The following RALGPS1 variants were observed in gnomAD, a reference collection of about 807,000 sequenced individuals.
RALGPS1 encodes Ral GEF with PH domain and SH3 binding motif 1.
RALGPS1 carries 19 observed loss-of-function variants against 78.8 expected under a neutral mutation model. The ratio of observed to expected loss-of-function variants is 0.24; its 90% CI spans 0.17 to 0.35. The LOEUF is 0.35. Among genes scored for constraint, RALGPS1 ranks in the 10% least tolerant of loss-of-function variants. The pLI, the probability that RALGPS1 is intolerant of heterozygous loss-of-function variation, is 1.00. For missense variants in RALGPS1, 454 were observed against 688.3 expected, an observed-to-expected ratio of 0.66 and a Z score of 3.81; for synonymous variants, 228 against 256.3, an observed-to-expected ratio of 0.89 and a Z score of 1.06.
chr9:127,191,700 G>GT (rs11375987), intron 11 of RALGPS1, among the ~76,000 whole-genome samples: 55,999 of 125,402 alleles, frequency 0.45, 14,070 homozygotes, highest in South Asian at 0.73. Flanking sequence ...GTTTTTTTTT[G>GT]TTTTTTTTTT....
chr9:126,975,655 A>G (rs923055059), intron 3 of RALGPS1, among the ~76,000 whole-genome samples: 2 of 152,184 alleles, frequency 1.3e-5, no homozygotes, highest in African/African-American at 4.8e-5. Context: ...AAGAAATGCC[A>G]GTCTGTTTGC....
chr9:127,052,504 AT>A (rs2048377365), intron 6 of RALGPS1, among the ~76,000 whole-genome samples: 1 of 152,158 alleles, frequency 6.6e-6, no homozygotes. Context: ...GAAGACCCAC[AT>A]TGATGCTGTT....
At chr9:127,004,721 A>G (rs2043671740) in intron 4 of RALGPS1, among the ~76,000 whole-genome samples, 3 of 152,186 alleles carry the variant, frequency 2.0e-5, no homozygotes, top group Admixed American at 1.3e-4. Flanking sequence ...TATATTGTGA[A>G]GCTTACATAA....
chr9:127,208,126 A>C (rs964298948), intron 14 of RALGPS1, among the ~76,000 whole-genome samples: 1 of 152,212 alleles, frequency 6.6e-6, no homozygotes, highest in South Asian at 2.1e-4. Context: ...GAGTAGAGGC[A>C]GCTGCTCTTC....
At chr9:126,962,599 A>G (rs1358453137) in intron 2 of RALGPS1, among the ~76,000 whole-genome samples, 1 of 152,276 alleles carries the variant, frequency 6.6e-6, no homozygotes, top group African/African-American at 2.4e-5. Flanking sequence ...CAAGTGCCAC[A>G]TTCCATTTTG....
intron 11 of RALGPS1, among the ~76,000 whole-genome samples, chr9:127,188,010 C>T (rs1239465788): frequency 6.7e-6 from 1 of 150,130 alleles, no homozygotes; most frequent in Non-Finnish European, 1.5e-5. Context: ...GTTTTTAACA[C>T]TCTCTCCAGA....
At chr9:127,169,120 G>A (rs1044522997) in intron 10 of RALGPS1, among the ~76,000 whole-genome samples, 9 of 152,188 alleles carry the variant, frequency 5.9e-5, no homozygotes, top group Non-Finnish European at 7.3e-5. Flanking sequence ...AGCTGTGAAT[G>A]GCACAGGCGT....
At chr9:127,130,522 T>C (rs1332649793) in intron 8 of RALGPS1, among the ~76,000 whole-genome samples, 2 of 152,252 alleles carry the variant, frequency 1.3e-5, no homozygotes, top group Admixed American at 1.3e-4. Flanking sequence ...AATAGTCCTT[T>C]AGTCAAAGAA....
At chr9:127,199,148 C>G in intron 14 of RALGPS1, 82 bp downstream of exon 14, 1 of 1,331,888 alleles carries the variant, frequency 7.5e-7, no homozygotes, top group South Asian at 1.2e-5. Flanking sequence ...CGGGCAGGGA[C>G]GGGCCCTGCC....
intron 8 of RALGPS1, among the ~76,000 whole-genome samples, chr9:127,151,076 CGGGAA>C (rs2058390893): frequency 6.6e-6 from 1 of 151,864 alleles, no homozygotes; most frequent in Admixed American, 6.6e-5. Context: ...CCCAGCTACT[CGGGAA>C]GCTAAGGCAG....
intron 8 of RALGPS1, among the ~76,000 whole-genome samples, chr9:127,155,041 T>G (rs1477772603): frequency 6.6e-6 from 1 of 152,202 alleles, no homozygotes; most frequent in Non-Finnish European, 1.5e-5. Flanking sequence ...TGGAAGCACT[T>G]TATAGCACTC....
At chr9:127,157,072 A>T (rs2058742620) in intron 8 of RALGPS1, among the ~76,000 whole-genome samples, 1 of 151,868 alleles carries the variant, frequency 6.6e-6, no homozygotes, top group Admixed American at 6.6e-5. Context: ...TATTTGTCTA[A>T]CTCTGTAGCA....
intron 11 of RALGPS1, among the ~76,000 whole-genome samples, chr9:127,194,099 T>C (rs926730779): frequency 1.3e-5 from 2 of 152,218 alleles, no homozygotes; most frequent in South Asian, 4.1e-4. Context: ...ATGACTGGGT[T>C]GAGAAGGACA....
intron 1 of RALGPS1, among the ~76,000 whole-genome samples, chr9:126,956,748 T>TA (rs896822870): frequency 2.0e-5 from 3 of 152,216 alleles, no homozygotes; most frequent in African/African-American, 4.8e-5. Context: ...CTCAGACACT[T>TA]AAAGTTAATT....
chr9:126,974,774 G>A lies in RALGPS1; in HGVS notation c.166-2921G>A, dbSNP rs1434708330. ...CTGGCCGGATTTGCTGCTTGGAAACGAGAGTGGGAGGCTCCTTGTCTCATG... is the reference window on the plus strand; with the variant it reads ...CTGGCCGGATTTGCTGCTTGGAAACAAGAGTGGGAGGCTCCTTGTCTCATG... On this transcript the variant is annotated intron_variant, in intron 3 of 18. Coordinates refer to ENST00000259351, the MANE Select transcript of RALGPS1 (RefSeq NM_014636.3). Among the ~76,000 whole-genome samples the A allele has an allele frequency of 2.6e-5, 4 of 152,110 alleles. No homozygotes were observed. The East Asian group carries it at 7.7e-4, about 29-fold the overall frequency.
chr9:127,185,061 C>T (rs562063330), intron 11 of RALGPS1, among the ~76,000 whole-genome samples: 1 of 152,266 alleles, frequency 6.6e-6, no homozygotes, highest in South Asian at 2.1e-4. Context: ...ATATCAATCC[C>T]AAAATGAACT....
intron 1 of RALGPS1, among the ~76,000 whole-genome samples, chr9:126,922,020 C>CA (rs1554754441): frequency 1.3e-5 from 2 of 152,172 alleles, no homozygotes; most frequent in Admixed American, 6.5e-5. Context: ...GGGTGGCAGG[C>CA]AGAACTCTTC....
chr9:126,931,500 G>A (rs1049815084), intron 1 of RALGPS1, among the ~76,000 whole-genome samples: 4 of 152,188 alleles, frequency 2.6e-5, no homozygotes, highest in Non-Finnish European at 4.4e-5. Context: ...CATTCTGAGT[G>A]AAAGAAGCAA....
In RALGPS1 at chr9:127,160,638, G is replaced by T. The variant is rs572187811; in HGVS notation, c.611-5431G>T. On this transcript the variant is annotated intron_variant, in intron 8 of 18. Coordinates refer to ENST00000259351, the MANE Select transcript of RALGPS1 (RefSeq NM_014636.3). ...TGTCCTGGGGATTGGGGGAAGACAG[G>T]CCACAGCAGGGGTCCTCACACCCCC... Among the ~76,000 whole-genome samples, 28 of 152,280 alleles carry T rather than the reference G, an allele frequency of 1.8e-4. 1 individual carries two copies. Among genetic ancestry groups the T allele is most frequent in the Middle Eastern group, 6.8e-3 (2 of 294 alleles).
Sources: allele counts gnomAD v4.1 joint callset (sites outside exome capture counted in the v4.1 genomes callset), GRCh38; gene constraint gnomAD v4.1.1; transcripts MANE v1.5; gene names NCBI Gene and HGNC (gene_info 2026-07-23, HGNC 2026-07-21).